BMPER: variants seen among roughly 807,000 people sequenced by gnomAD.
The protein encoded by BMPER is BMP-binding endothelial regulator protein.
BMPER carries 45 observed loss-of-function variants against 87.3 expected under a neutral mutation model. The observed-to-expected ratio is 0.52, with a 90% CI of 0.41 to 0.66. The LOEUF (loss-of-function observed/expected upper bound fraction) is 0.66. Ranked by LOEUF, BMPER falls within the 30% of genes least tolerant of loss-of-function variation. The pLI is 0.00. For missense variants in BMPER, 784 were observed against 867.5 expected (o/e 0.90, Z 1.21); for synonymous variants, 326 against 316.2 (o/e 1.03, Z -0.33).
At chr7:33,964,772 G>A (rs1259189040) in intron 3 of BMPER, among the ~76,000 whole-genome samples, 1 of 152,078 alleles carries the variant, frequency 6.6e-6, no homozygotes, top group South Asian at 2.1e-4. Flanking sequence ...ATCTTTGCTT[G>A]CACTATTAGC....
chr7:34,112,300 C>G (rs1320163976), intron 13 of BMPER, among the ~76,000 whole-genome samples: 1 of 151,530 alleles, frequency 6.6e-6, no homozygotes, highest in Non-Finnish European at 1.5e-5. Flanking sequence ...TGAGACCATC[C>G]CGGCTAACAT....
chr7:34,130,224 C>T (rs535407754), intron 13 of BMPER, among the ~76,000 whole-genome samples: 3 of 151,924 alleles, frequency 2.0e-5, no homozygotes, highest in African/African-American at 7.3e-5. Context: ...CTTCTGGGTT[C>T]CCTTCAAATT....
chr7:34,057,404 T>C (rs1412892595), intron 9 of BMPER, among the ~76,000 whole-genome samples: 13 of 152,148 alleles, frequency 8.5e-5, no homozygotes, highest in Admixed American at 8.5e-4. Flanking sequence ...GTCTAGGAAA[T>C]GTGTCCCAAA....
At chr7:33,946,484 G>A (rs116057253) in intron 3 of BMPER, among the ~76,000 whole-genome samples, 1,740 of 152,316 alleles carry the variant, frequency 0.011, 27 homozygotes, top group African/African-American at 0.039. Context: ...AGGCTCCCGG[G>A]TGAAGGTTCT....
At chr7:34,056,904 C>T (rs1254285403) in intron 9 of BMPER, among the ~76,000 whole-genome samples, 1 of 152,226 alleles carries the variant, frequency 6.6e-6, no homozygotes, top group Non-Finnish European at 1.5e-5. Context: ...GCGTGAGCCA[C>T]CGCGCCCGGC....
chr7:34,050,886 C>A (rs370448513), intron 7 of BMPER, among the ~76,000 whole-genome samples: 1 of 152,186 alleles, frequency 6.6e-6, no homozygotes, highest in Admixed American at 6.5e-5. Flanking sequence ...GCTGGACACT[C>A]GACATGTACC....
intron 6 of BMPER, among the ~76,000 whole-genome samples, chr7:34,035,913 G>A (rs1787650427): frequency 2.6e-5 from 4 of 152,174 alleles, no homozygotes; most frequent in Admixed American, 1.3e-4. Flanking sequence ...ACAGTTCATT[G>A]GTGATGTCTT....
intron 13 of BMPER, among the ~76,000 whole-genome samples, chr7:34,092,456 CTCT>C (rs1315280573): frequency 6.6e-6 from 1 of 152,196 alleles, no homozygotes; most frequent in Non-Finnish European, 1.5e-5. Flanking sequence ...TCAAACTAGC[CTCT>C]TCTTGTATGG....
intron 13 of BMPER, among the ~76,000 whole-genome samples, chr7:34,089,082 G>C (rs1789301807): frequency 6.6e-6 from 1 of 152,154 alleles, no homozygotes; most frequent in Admixed American, 6.5e-5. Context: ...TGGTACATTT[G>C]ATATCATTGG....
chr7:34,149,031 C>T (rs1437484510), intron 14 of BMPER, among the ~76,000 whole-genome samples: 1 of 152,062 alleles, frequency 6.6e-6, no homozygotes, highest in Non-Finnish European at 1.5e-5. Flanking sequence ...ATGAAATCCC[C>T]ATCCAGGAGG....
intron 6 of BMPER, among the ~76,000 whole-genome samples, chr7:34,017,427 G>T (rs973954753): frequency 1.3e-5 from 2 of 151,758 alleles, no homozygotes; most frequent in African/African-American, 4.8e-5. Context: ...GAGCTTGTGT[G>T]GGGAGCTCCC....
intron 6 of BMPER, among the ~76,000 whole-genome samples, chr7:34,009,959 G>A (rs1426283867): frequency 1.3e-5 from 2 of 151,920 alleles, no homozygotes; most frequent in Admixed American, 1.3e-4. Context: ...GACCTTCTAG[G>A]TAATTATGAT....
intron 6 of BMPER, among the ~76,000 whole-genome samples, chr7:34,041,571 T>C (rs1787833200): frequency 2.6e-5 from 4 of 152,128 alleles, no homozygotes; most frequent in Admixed American, 2.6e-4. Flanking sequence ...GCTAAGGACA[T>C]TCATGGTTTT....
chr7:33,969,641 C>T (rs575729137), intron 4 of BMPER, among the ~76,000 whole-genome samples: 29 of 152,302 alleles, frequency 1.9e-4, no homozygotes, highest in African/African-American at 6.5e-4. Flanking sequence ...CTTCGTGATC[C>T]GCCCGCCTCA....
intron 3 of BMPER, among the ~76,000 whole-genome samples, chr7:33,944,763 T>C (rs1784844952): frequency 6.6e-6 from 1 of 152,182 alleles, no homozygotes; most frequent in South Asian, 2.1e-4. Flanking sequence ...ATGTGCATAG[T>C]TTATTTATAA....
chr7:33,937,204 G>A, intron 2 of BMPER, 85 bp from the exon 3 acceptor site: 1 of 1,412,794 alleles, frequency 7.1e-7, no homozygotes. Context: ...TAAGAGTGGG[G>A]CTCGGGAAAC....
intron 6 of BMPER, among the ~76,000 whole-genome samples, chr7:33,999,852 A>G (rs529717381): frequency 2.0e-5 from 3 of 152,214 alleles, no homozygotes; most frequent in African/African-American, 7.2e-5. Context: ...CCTTCCCTCA[A>G]TTCCTTCTGT....
intron 14 of BMPER, among the ~76,000 whole-genome samples, chr7:34,152,650 A>G (rs1472610322): frequency 6.6e-6 from 1 of 151,974 alleles, no homozygotes; most frequent in Non-Finnish European, 1.5e-5. Flanking sequence ...CACATTCCCA[A>G]TATCCTTGGT....
At chr7:34,051,440 A>T (rs986182315) in intron 7 of BMPER, among the ~76,000 whole-genome samples, 1 of 152,144 alleles carries the variant, frequency 6.6e-6, no homozygotes, top group Non-Finnish European at 1.5e-5. Context: ...CTCAGGCATT[A>T]TATCTTCCAA....
Sources: gnomAD v4.1 joint callset for allele counts (sites outside exome capture counted in the v4.1 genomes callset) on GRCh38, gnomAD v4.1.1 for gene constraint, MANE v1.5 for transcripts, NCBI Gene and HGNC (gene_info 2026-07-23, HGNC 2026-07-21) for gene names.